LRMDA: variants seen among roughly 807,000 people sequenced by gnomAD.
The protein encoded by LRMDA is leucine-rich melanocyte differentiation-associated protein.
A neutral mutation model predicts 29.8 loss-of-function variants in LRMDA; 18 were observed. That is an observed-to-expected ratio of 0.60 (90% CI 0.42 to 0.90). The LOEUF is 0.90. Among genes scored for constraint, LRMDA ranks in the 40% least tolerant of loss-of-function variants. The pLI is 0.00. For missense variants in LRMDA, 273 were observed against 273.9 expected (o/e 1.00, Z 0.02); for synonymous variants, 125 against 109.4 (o/e 1.14, Z -0.89).
At chr10:76,472,354 G>A (rs988042865) in intron 6 of LRMDA, among the ~76,000 whole-genome samples, 1 of 151,712 alleles carries the variant, frequency 6.6e-6, no homozygotes, top group Non-Finnish European at 1.5e-5. Flanking sequence ...AACACTTTGA[G>A]ATGAATGAAA....
intron 2 of LRMDA, among the ~76,000 whole-genome samples, chr10:75,688,171 A>G (rs1464228109): frequency 6.6e-6 from 1 of 152,228 alleles, no homozygotes; most frequent in Non-Finnish European, 1.5e-5. Context: ...TACTCAAGAA[A>G]TATATTTTGT....
intron 2 of LRMDA, among the ~76,000 whole-genome samples, chr10:75,950,700 G>A (rs1846559659): frequency 1.3e-5 from 2 of 152,146 alleles, no homozygotes; most frequent in Non-Finnish European, 2.9e-5. Flanking sequence ...CTACTAGCTG[G>A]TAAGTCCCTT....
intron 5 of LRMDA, among the ~76,000 whole-genome samples, chr10:76,203,918 G>A (rs114800333): frequency 0.013 from 1,784 of 138,326 alleles, 39 homozygotes; most frequent in African/African-American, 0.044. Context: ...CCATGTGCCC[G>A]TCCACCCATC....
intron 2 of LRMDA, among the ~76,000 whole-genome samples, chr10:75,777,733 G>C (rs1404944380): frequency 6.6e-6 from 1 of 152,164 alleles, no homozygotes; most frequent in African/African-American, 2.4e-5. Flanking sequence ...TTTGGGGCAG[G>C]TTTCTCTGGG....
intron 6 of LRMDA, among the ~76,000 whole-genome samples, chr10:76,357,191 G>A (rs1285662429): frequency 6.6e-6 from 1 of 152,152 alleles, no homozygotes; most frequent in Admixed American, 6.5e-5. Flanking sequence ...AAGGAGCTTG[G>A]ACTTTGCAGT....
At chr10:76,056,243 G>A (rs1471936109) in intron 4 of LRMDA, among the ~76,000 whole-genome samples, 1 of 152,218 alleles carries the variant, frequency 6.6e-6, no homozygotes, top group Non-Finnish European at 1.5e-5. Flanking sequence ...GTCTGGCTGA[G>A]TCTGGGGCTT....
rs1160939358 is a variant in LRMDA at position 76,391,939 on chromosome 10, T to C, written c.601+67454T>C. Among the ~76,000 whole-genome samples, 3 of 152,316 alleles carry C rather than the reference T, an allele frequency of 2.0e-5. No individual in the cohort carries two copies. The East Asian group carries it at 5.8e-4, about 29-fold the overall frequency. On this transcript the variant is annotated intron_variant, in intron 6 of 6. Coordinates refer to ENST00000611255, the MANE Select transcript of LRMDA (RefSeq NM_001305581.2). Reference sequence around the variant, plus strand: ...TGGAGACTGTATCACCACAGAGTCTTGATCTGTTAACATAAATGATATTTT... The same window carrying C: ...TGGAGACTGTATCACCACAGAGTCTCGATCTGTTAACATAAATGATATTTT...
chr10:75,974,976 A>G (rs996238537), intron 2 of LRMDA, among the ~76,000 whole-genome samples: 1 of 152,252 alleles, frequency 6.6e-6, no homozygotes, highest in Non-Finnish European at 1.5e-5. Context: ...GGATGCTTTA[A>G]TGAGCGATGA....
chr10:75,820,581 C>A (rs1024749384), intron 2 of LRMDA, among the ~76,000 whole-genome samples: 7 of 152,032 alleles, frequency 4.6e-5, no homozygotes, highest in African/African-American at 1.7e-4. Flanking sequence ...AACAACCTAA[C>A]CTTATACCTA....
intron 2 of LRMDA, among the ~76,000 whole-genome samples, chr10:75,937,135 C>A (rs530409459): frequency 6.6e-6 from 1 of 152,234 alleles, no homozygotes; most frequent in African/African-American, 2.4e-5. Context: ...TGACAAGATA[C>A]TCTCTGTGGG....
At chr10:75,543,845 G>C (rs567537147) in intron 2 of LRMDA, among the ~76,000 whole-genome samples, 1 of 152,150 alleles carries the variant, frequency 6.6e-6, no homozygotes, top group East Asian at 1.9e-4. Flanking sequence ...AAACATGACA[G>C]TAAGCTGAAA....
chr10:76,486,605 G>T (rs1462981920), intron 6 of LRMDA, among the ~76,000 whole-genome samples: 1 of 151,768 alleles, frequency 6.6e-6, no homozygotes, highest in African/African-American at 2.4e-5. Context: ...TTTCTTTCAG[G>T]GTTTTATTAC....
Position 76,559,293 on chromosome 10 carries a change from G to A in LRMDA, c.*2005G>A, listed in dbSNP as rs368139993. 6.6e-6 allele frequency: 1 copy of A among 151,962 alleles called. No homozygotes were observed. The highest frequency in any genetic ancestry group is 1.5e-5 in the Non-Finnish European group (1 of 68,008). The allele number at this position is 151,962 out of a possible 1,614,324, so 9.4% of individuals were successfully genotyped here. ...AATGTCAGAACCATTTGTATCATGCGCAGGAATGTCTCCCTCAATGTGAGC... is the reference window on the plus strand; with the variant it reads ...AATGTCAGAACCATTTGTATCATGCACAGGAATGTCTCCCTCAATGTGAGC... On this transcript the variant is annotated 3_prime_UTR_variant, in exon 7 of 7. Coordinates refer to ENST00000611255, the MANE Select transcript of LRMDA (RefSeq NM_001305581.2).
chr10:76,212,236 A>AAC (rs35344389), intron 5 of LRMDA, among the ~76,000 whole-genome samples: 15,852 of 142,728 alleles, frequency 0.11, 1,100 homozygotes, highest in African/African-American at 0.21. Context: ...TGAAAATTAA[A>AAC]ACACACACAC....
At chr10:76,035,839 G>A (rs574484649) in intron 2 of LRMDA, among the ~76,000 whole-genome samples, 169 bp from the exon 3 acceptor site, 1 of 134,564 alleles carries the variant, frequency 7.4e-6, no homozygotes, top group African/African-American at 2.8e-5. Context: ...CTCCCCCGCC[G>A]CCCCCGCCCC....
chr10:76,026,753 T>G (rs763272921), intron 2 of LRMDA, among the ~76,000 whole-genome samples: 7 of 152,178 alleles, frequency 4.6e-5, no homozygotes, highest in Non-Finnish European at 1.0e-4. Context: ...TTAACAGCCC[T>G]TATAAACTAT....
chr10:75,654,429 C>G (rs1386647578), intron 2 of LRMDA, among the ~76,000 whole-genome samples: 1 of 152,204 alleles, frequency 6.6e-6, no homozygotes, highest in African/African-American at 2.4e-5. Flanking sequence ...GAATTTTACT[C>G]ATGGAGCTTC....
intron 2 of LRMDA, among the ~76,000 whole-genome samples, chr10:76,024,950 A>T (rs1848036427): frequency 6.6e-6 from 1 of 152,150 alleles, no homozygotes. Context: ...ATTCCGCCCC[A>T]TGGCGAGGTG....
At position 75,812,956 on chromosome 10, in the gene LRMDA, G is replaced by A. The variant is rs763172779; in HGVS notation, c.132-223052G>A. 1.5e-3 allele frequency among the ~76,000 whole-genome samples: 228 copies of A among 152,306 alleles called. 1 individual carries two copies. Among genetic ancestry groups the A allele is most frequent in the Non-Finnish European group, 2.8e-3 (192 of 68,024 alleles). The stretch of plus-strand genomic sequence containing the variant: ...GAACCAAAGTAGGAGCAGAGCTGAT[G>A]GACAAGAAATGTTTGGGGTGAGCAC... On this transcript the variant is annotated intron_variant, in intron 2 of 6. Coordinates refer to ENST00000611255, the MANE Select transcript of LRMDA (RefSeq NM_001305581.2).
Sources: allele counts gnomAD v4.1 joint callset (sites outside exome capture counted in the v4.1 genomes callset), GRCh38; gene constraint gnomAD v4.1.1; transcripts MANE v1.5; gene names NCBI Gene and HGNC (gene_info 2026-07-23, HGNC 2026-07-21).